The following IL5 variants were observed in gnomAD, a reference collection of about 807,000 sequenced individuals.
The protein encoded by IL5 is interleukin 5.
A neutral mutation model predicts 16.3 loss-of-function variants in IL5; 12 were observed. The observed-to-expected ratio is 0.74, with a 90% CI of 0.47 to 1.20. IL5 has a LOEUF of 1.20. Ranked by LOEUF, IL5 falls within the 50% of genes most tolerant of loss-of-function variation. IL5 has a pLI of 0.00. For synonymous variants in IL5, 54 were observed against 56.6 expected, an observed-to-expected ratio of 0.95 and a Z score of 0.21; for missense variants, 159 against 153.9, an observed-to-expected ratio of 1.03 and a Z score of -0.17.
rs777089585 is a variant in IL5, at chr5:132,541,914, G to GA, written c.307-6dup. The GA allele has an allele frequency of 1.9e-6, 3 of 1,610,722 alleles. No homozygotes were observed. In the East Asian group the frequency reaches 6.7e-5, roughly 36 times the overall value. On this transcript the variant is annotated splice_polypyrimidine_tract_variant and splice_region_variant and intron_variant, in intron 3 of 3. Transcript: ENST00000231454. ...TCTTTCTTCTCCACACTTTTTCTGT[G>GA]AAAAAAGAAAAATGACAATAGGTAT...
intron 2 of IL5, among the ~76,000 whole-genome samples, chr5:132,542,515 A>G (rs1432264782): frequency 6.6e-6 from 1 of 152,202 alleles, no homozygotes; most frequent in African/African-American, 2.4e-5. Flanking sequence ...AGTGTAATGC[A>G]TTATACATTA....
At chr5:132,545,474 G>A (rs1021826886), upstream of IL5, among the ~76,000 whole-genome samples, 1 of 152,108 alleles carries the variant, frequency 6.6e-6, no homozygotes, top group African/African-American at 2.4e-5. Flanking sequence ...GCAACATAGT[G>A]AGACTCCATC....
Position 132,553,938 on chromosome 5 carries a change from TAAAAAAAAA to T in IL5, c.42+2727_42+2735del, listed in dbSNP as rs57467548. 8.0e-5 allele frequency among the ~76,000 whole-genome samples: 7 copies of T among 87,292 alleles called. No individual in the cohort carries two copies. The East Asian group carries it at 1.3e-3, about 17-fold the overall frequency. 57.3% of individuals were successfully genotyped at this position (87,292 alleles called of 152,430 possible). On this transcript the variant is annotated intron_variant, in intron 1 of 2. Transcript: ENST00000450655. Reference sequence around the variant, plus strand: ...TGGGCAACAGAGAGAGACTCCGTCTTAAAAAAAAAAAAAAAAAAAAAAAAAGGTCTTGGT... The same window carrying T: ...TGGGCAACAGAGAGAGACTCCGTCTTAAAAAAAAAAAAAAAAGGTCTTGGT...
At chr5:132,545,421 A>C (rs1749767871), upstream of IL5, among the ~76,000 whole-genome samples, 1 of 152,002 alleles carries the variant, frequency 6.6e-6, no homozygotes, top group Non-Finnish European at 1.5e-5. Context: ...GGGAGGCTGA[A>C]GCAGAAGGAT....
upstream of IL5, among the ~76,000 whole-genome samples, chr5:132,546,035 G>A (rs1357046191): frequency 6.6e-6 from 1 of 152,120 alleles, no homozygotes; most frequent in Non-Finnish European, 1.5e-5. Context: ...GTTGGCAACT[G>A]TATAATGTAC....
chr5:132,542,229 C>A, intron 2 of IL5, 86 bp from the exon 3 acceptor site: 1 of 767,544 alleles, frequency 1.3e-6, no homozygotes, highest in Non-Finnish European at 2.1e-6. Flanking sequence ...TGTATACATA[C>A]TTCAAAACAT....
At chr5:132,552,675 C>T (rs1341143100) in intron 1 of IL5, among the ~76,000 whole-genome samples, 1 of 151,974 alleles carries the variant, frequency 6.6e-6, no homozygotes, top group African/African-American at 2.4e-5. Flanking sequence ...ATATGCATCT[C>T]AAAAAAGATC....
intron 1 of IL5, among the ~76,000 whole-genome samples, chr5:132,551,235 GAA>G (rs1211577964): frequency 6.6e-6 from 1 of 152,186 alleles, no homozygotes; most frequent in Non-Finnish European, 1.5e-5. Context: ...GAAAACAGAT[GAA>G]AGTCATTTAT....
At chr5:132,556,709 C>T (rs1291952598) in exon 1 of IL5, 16 of 1,252,224 alleles carry the variant, frequency 1.3e-5, no homozygotes, top group Non-Finnish European at 1.6e-5. Context: ...CCCACCACTA[C>T]CCCCATTCCA....
chr5:132,544,265 G>T (rs1415139982), upstream of IL5, among the ~76,000 whole-genome samples: 1 of 152,176 alleles, frequency 6.6e-6, no homozygotes, highest in Non-Finnish European at 1.5e-5. Context: ...AGCAAGCTGT[G>T]CTTTTCTGAT....
intron 1 of IL5, among the ~76,000 whole-genome samples, chr5:132,550,993 T>G (rs911433205): frequency 1.3e-5 from 2 of 152,238 alleles, no homozygotes; most frequent in Non-Finnish European, 2.9e-5. Context: ...GTCCTTGTAT[T>G]GTTCAGAAGG....
upstream of IL5, among the ~76,000 whole-genome samples, chr5:132,548,422 CACTT>C (rs1749827978): frequency 6.6e-6 from 1 of 152,218 alleles, no homozygotes; most frequent in Admixed American, 6.5e-5. Flanking sequence ...AACAAGCAGG[CACTT>C]ACAACAACTT....
intron 1 of IL5, among the ~76,000 whole-genome samples, chr5:132,549,297 G>T (rs558893932): frequency 1.5e-4 from 23 of 151,976 alleles, no homozygotes; most frequent in African/African-American, 5.6e-4. Flanking sequence ...CTCGTGATCC[G>T]CCCGCCTCGG....
At position 132,541,661 on chromosome 5, in the gene IL5, C is replaced by A; in HGVS notation, c.*150G>T. The A allele has an allele frequency of 1.9e-6, 1 of 513,682 alleles. No homozygotes were observed. The highest frequency in any genetic ancestry group is 3.4e-6 in the Non-Finnish European group (1 of 291,886). The allele number at this position is 513,682 out of a possible 1,614,324, so 31.8% of individuals were successfully genotyped here. A position where few individuals can be genotyped will look rare whatever the true frequency, so the allele number is the denominator to read the frequency against. ...ATTTTAAGAATTTTATGCTTTCTGG[C>A]AAAGTGTCAGTATGCCTGAAATATT... On this transcript the variant is annotated 3_prime_UTR_variant, in exon 4 of 4. Transcript: ENST00000231454.
At chr5:132,542,276 C>A in intron 2 of IL5, 133 bp from the exon 3 acceptor site, 1 of 432,550 alleles carries the variant, frequency 2.3e-6, no homozygotes. Flanking sequence ...CTTTTTAATT[C>A]ATCAATTAAA....
In IL5 at chr5:132,543,339, T is replaced by C. The variant is rs755418324; in HGVS notation, c.140A>G (p.Asn47Ser). The stretch of plus-strand genomic sequence containing the variant: ...AGGAATCATAAAGAAAATTACCTCA[T>C]TGGCTATCAGCAGAGTTCGATGAGT... The part of the protein sequence containing the change: ...LSTHRTLLIA[N>S]ETLRIPVPVH... Residue 47 changes from asparagine (N) to serine (S), a missense_variant, in exon 1 of 4, where the codon AAT becomes AGT. By Grantham distance (46) the Asn-to-Ser change is conservative (BLOSUM62 1). Coordinates refer to ENST00000231454, the MANE Select transcript of IL5 (RefSeq NM_000879.3). The C allele has an allele frequency of 8.1e-6, 13 of 1,613,746 alleles. No homozygotes were observed. The Admixed American group carries it at 2.0e-4, about 25-fold the overall frequency.
At chr5:132,545,436 T>C (rs554381364), upstream of IL5, among the ~76,000 whole-genome samples, 3 of 152,244 alleles carry the variant, frequency 2.0e-5, no homozygotes, top group East Asian at 3.9e-4. Flanking sequence ...AAGGATTGCT[T>C]GAGCCCAGGA....
At chr5:132,549,336 G>A (rs868202520) in intron 1 of IL5, among the ~76,000 whole-genome samples, 2 of 152,200 alleles carry the variant, frequency 1.3e-5, no homozygotes, top group Non-Finnish European at 2.9e-5. Flanking sequence ...TTACAGGCAT[G>A]AGCCACCGTG....
At chr5:132,545,951 C>A (rs2149824457), upstream of IL5, among the ~76,000 whole-genome samples, 1 of 151,518 alleles carries the variant, frequency 6.6e-6, no homozygotes. Context: ...ACAAAAAGCA[C>A]AACAACAACA....
Sources: gnomAD v4.1 joint callset for allele counts (sites outside exome capture counted in the v4.1 genomes callset) on GRCh38, gnomAD v4.1.1 for gene constraint, MANE v1.5 for transcripts, NCBI Gene and HGNC (gene_info 2026-07-23, HGNC 2026-07-21) for gene names.